The following FBN2 variants were observed in gnomAD, a reference collection of about 807,000 sequenced individuals.
FBN2 encodes the protein fibrillin-2.
In FBN2, 105 loss-of-function variants were observed where a neutral mutation model predicts 355.6. That is an observed-to-expected ratio of 0.30 (90% CI 0.25 to 0.35). FBN2 has a LOEUF of 0.35. Ranked by LOEUF, FBN2 falls within the 10% of genes least tolerant of loss-of-function variation. The probability of loss-of-function intolerance (pLI) is 1.00; values close to 1 mark genes in which losing one functional copy is unlikely to be tolerated. For missense variants in FBN2, 3,280 were observed against 3,758.7 expected (o/e 0.87, Z 3.33); for synonymous variants, 1,350 against 1,301.2 (o/e 1.04, Z -0.81).
At chr5:128,266,903 T>C (rs1173115178) in intron 62 of FBN2, among the ~76,000 whole-genome samples, 1 of 152,118 alleles carries the variant, frequency 6.6e-6, no homozygotes, top group Non-Finnish European at 1.5e-5. Context: ...TGCAGGTTTG[T>C]TACATAGCCA....
intron 5 of FBN2, among the ~76,000 whole-genome samples, chr5:128,507,845 C>T (rs4836377): frequency 0.5 from 75,468 of 151,814 alleles, 22,012 homozygotes; most frequent in African/African-American, 0.82. Context: ...TGACTTCTTA[C>T]CTACTCTCAA....
intron 5 of FBN2, among the ~76,000 whole-genome samples, chr5:128,496,486 G>A (rs1229253433): frequency 6.6e-6 from 1 of 151,896 alleles, no homozygotes; most frequent in African/African-American, 2.4e-5. Flanking sequence ...TAAAAAACTA[G>A]GAGTAGAAGG....
At chr5:128,483,358 C>T (rs1351337699) in intron 5 of FBN2, among the ~76,000 whole-genome samples, 1 of 152,012 alleles carries the variant, frequency 6.6e-6, no homozygotes, top group Non-Finnish European at 1.5e-5. Context: ...AATATATGAA[C>T]AAGGAATTAG....
chr5:128,312,658 C>T lies in FBN2; in HGVS notation c.4855G>A (p.Glu1619Lys). ...SLGKAWGNPCETCPPVNSTEY... is the reference protein window; with the variant it reads ...SLGKAWGNPCKTCPPVNSTEY... Reference sequence around the variant, plus strand: ...CTGCTATTGACAGGGGGGCATGTCTCACAGGGGTTTCCCCAGGCCTTTCCC... The same window carrying T: ...CTGCTATTGACAGGGGGGCATGTCTTACAGGGGTTTCCCCAGGCCTTTCCC... Residue 1619 changes from glutamate to lysine, a missense_variant, in exon 37 of 65, where the codon GAG (glutamate) becomes AAG (lysine). Glu to Lys is a moderately conservative substitution (Grantham distance 56). This residue lies in a region of FBN2 where 2,284 missense variants were observed against 2,749.5 expected (regional missense o/e 0.83). Transcript: ENST00000262464. The T allele has an allele frequency of 6.2e-7, 1 of 1,614,086 alleles. No homozygotes were observed. The highest frequency in any genetic ancestry group is 8.5e-7 in the Non-Finnish European group (1 of 1,180,016).
At chr5:128,311,187 A>C (rs1750046532) in intron 39 of FBN2, 113 bp downstream of exon 39, 1 of 1,135,642 alleles carries the variant, frequency 8.8e-7, no homozygotes, top group South Asian at 1.3e-5. Flanking sequence ...AAAGCTATGA[A>C]CCAATCTTAA....
chr5:128,319,664 C>T (rs890526890), intron 34 of FBN2, among the ~76,000 whole-genome samples: 1 of 152,010 alleles, frequency 6.6e-6, no homozygotes, highest in Admixed American at 6.6e-5. Context: ...CCATTGACCC[C>T]ACATTCTAGT....
chr5:128,340,264 C>T (rs1246197939), intron 25 of FBN2, among the ~76,000 whole-genome samples: 1 of 152,098 alleles, frequency 6.6e-6, no homozygotes, highest in Non-Finnish European at 1.5e-5. Flanking sequence ...TTTAAAATCA[C>T]AGGATTTAGT....
chr5:128,399,188 CAGAGATACACA>C (rs1342729850), intron 8 of FBN2, among the ~76,000 whole-genome samples: 2 of 152,092 alleles, frequency 1.3e-5, no homozygotes, highest in African/African-American at 2.4e-5. Flanking sequence ...GAAAAATAAA[CAGAGATACACA>C]ATTAGCCATA....
At chr5:128,347,027 C>T (rs1329659511) in intron 23 of FBN2, among the ~76,000 whole-genome samples, 1 of 152,158 alleles carries the variant, frequency 6.6e-6, no homozygotes, top group African/African-American at 2.4e-5. Flanking sequence ...CTCTGAGGGG[C>T]TAGTCTCCTT....
intron 19 of FBN2, among the ~76,000 whole-genome samples, chr5:128,358,796 T>C (rs182884445): frequency 1.3e-5 from 2 of 152,200 alleles, no homozygotes; most frequent in Admixed American, 1.3e-4. Flanking sequence ...ATTAATTTCA[T>C]TTGTAAGAAG....
At chr5:128,277,270 C>T (rs1174040031) in intron 58 of FBN2, among the ~76,000 whole-genome samples, 1 of 152,076 alleles carries the variant, frequency 6.6e-6, no homozygotes, top group Admixed American at 6.6e-5. Context: ...CCTTTCTGCC[C>T]CACGACTGTC....
rs2126954653 is a variant in FBN2 at position 128,374,666 on chromosome 5, G to A, written c.2057C>T (p.Pro686Leu). 6.2e-7 allele frequency: 1 copy of A among 1,613,940 alleles called. No individual in the cohort carries two copies. Among genetic ancestry groups the A allele is most frequent in the Middle Eastern group, 1.7e-4 (1 of 6,056 alleles). Residue 686 changes from proline to leucine, a missense_variant, in exon 15 of 65, where the codon CCA becomes CTA. Transcript: ENST00000262464. Reference protein sequence around the residue: ...SEGSFRCDCPPGLAVGMDGRV... With the variant: ...SEGSFRCDCPLGLAVGMDGRV... ...TCCATCCATGCCCACAGCCAGGCCTGGGGGACAGTCACAGCGGAAGGACCC... is the reference window on the plus strand; with the variant it reads ...TCCATCCATGCCCACAGCCAGGCCTAGGGGACAGTCACAGCGGAAGGACCC...
chr5:128,364,516 A>C (rs1751717844), intron 18 of FBN2, 84 bp downstream of exon 18: 1 of 1,363,814 alleles, frequency 7.3e-7, no homozygotes, highest in Admixed American at 1.9e-5. Context: ...TTTTAGTTTT[A>C]GTCATTTGTG....
intron 7 of FBN2, among the ~76,000 whole-genome samples, chr5:128,444,711 A>G (rs1167138733): frequency 1.3e-5 from 2 of 152,190 alleles, no homozygotes; most frequent in African/African-American, 4.8e-5. Context: ...AAAGACTTGT[A>G]CTGTCTTTCT....
intron 1 of FBN2, among the ~76,000 whole-genome samples, chr5:128,537,089 C>T (rs900870876): frequency 3.9e-5 from 6 of 152,130 alleles, no homozygotes; most frequent in Non-Finnish European, 7.4e-5. Context: ...TCTGCACACG[C>T]TCTGCGATCG....
In FBN2 at chr5:128,259,535, C is replaced by T; in HGVS notation, c.8659G>A (p.Glu2887Lys). Residue 2887 changes from glutamate to lysine, a missense_variant, in exon 65 of 65, where the codon GAA becomes AAA. Glu to Lys is a moderately conservative substitution (Grantham distance 56). Around this residue, in one of 6 missense-constraint regions of FBN2, gnomAD observed 311 missense variants for 319.1 expected, o/e 0.97. Transcript: ENST00000262464. Reference protein sequence around the residue: ...LYKKKELKKLEESNEDDYLLG... With the variant: ...LYKKKELKKLKESNEDDYLLG... ...AGGTAGTCATCCTCATTGCTCTCTT[C>T]CAGTTTCTTAAGCTCCTTCTTCTTG... The T allele has an allele frequency of 6.2e-7, 1 of 1,614,046 alleles. No homozygotes were observed. The highest frequency in any genetic ancestry group is 8.5e-7 in the Non-Finnish European group (1 of 1,180,006).
chr5:128,345,698 G>C (rs2126914562), intron 23 of FBN2, 114 bp from the exon 24 acceptor site: 1 of 933,522 alleles, frequency 1.1e-6, no homozygotes, highest in Admixed American at 1.9e-5. Context: ...CGGTGTACTG[G>C]TGGGCAAGAT....
intron 5 of FBN2, among the ~76,000 whole-genome samples, chr5:128,488,285 C>T (rs1474809072): frequency 1.3e-5 from 2 of 152,104 alleles, no homozygotes; most frequent in Admixed American, 6.6e-5. Flanking sequence ...CTAAGGCTTG[C>T]TGTGCTAGCA....
At chr5:128,404,579 C>G (rs1301553254) in intron 8 of FBN2, among the ~76,000 whole-genome samples, 2 of 152,230 alleles carry the variant, frequency 1.3e-5, no homozygotes, top group Non-Finnish European at 2.9e-5. Flanking sequence ...GAAGTTCTTA[C>G]ATTCAATATC....
Sources: gnomAD v4.1 joint callset for allele counts (sites outside exome capture counted in the v4.1 genomes callset) on GRCh38, gnomAD v4.1.1 for gene constraint, gnomAD v4.1.1 regional missense constraint, MANE v1.5 for transcripts, NCBI Gene and HGNC (gene_info 2026-07-23, HGNC 2026-07-21) for gene names.